The following NXPH2 variants were observed in gnomAD, a reference collection of about 807,000 sequenced individuals.
The protein encoded by NXPH2 is neurexophilin 2.
NXPH2 carries 5 observed loss-of-function variants against 19.8 expected under a neutral mutation model. The observed-to-expected ratio is 0.25, with a 90% CI of 0.13 to 0.53. The LOEUF is 0.53. Ranked by LOEUF, NXPH2 falls within the 20% of genes least tolerant of loss-of-function variation. The probability of loss-of-function intolerance (pLI) is 0.96; values close to 1 mark genes in which losing one functional copy is unlikely to be tolerated. For missense variants in NXPH2, 289 were observed against 322.8 expected, an observed-to-expected ratio of 0.90 and a Z score of 0.80; for synonymous variants, 154 against 127.4, an observed-to-expected ratio of 1.21 and a Z score of -1.41.
rs1350571894 is a variant in NXPH2 at position 138,671,434 on chromosome 2, C to T, written c.283G>A (p.Ala95Thr). ...ACTATTGGCCTCCGTTTAGTTCTTGCCAATGGCTCCTGAATCTCCGTGATG... is the reference window on the plus strand; with the variant it reads ...ACTATTGGCCTCCGTTTAGTTCTTGTCAATGGCTCCTGAATCTCCGTGATG... ...ANITEIQEPL[A>T]RTKRRPIVKT... The change falls in exon 2 of 2, where the codon GCA becomes ACA. Residue 95 changes from alanine (A) to threonine (T), a missense_variant. Transcript: ENST00000272641. 1 of 1,613,974 alleles carries T rather than the reference C, an allele frequency of 6.2e-7. No homozygotes were observed. The highest frequency in any genetic ancestry group is 1.7e-5 in the Admixed American group (1 of 60,022).
intron 1 of NXPH2, among the ~76,000 whole-genome samples, chr2:138,675,524 T>C (rs1680473527): frequency 6.6e-6 from 1 of 152,014 alleles, no homozygotes; most frequent in Admixed American, 6.6e-5. Context: ...ATAATAATAG[T>C]AATAATAATA....
At chr2:138,740,175 G>C (rs144685165) in intron 1 of NXPH2, among the ~76,000 whole-genome samples, 1 of 152,348 alleles carries the variant, frequency 6.6e-6, no homozygotes, top group Non-Finnish European at 1.5e-5. Context: ...TCCTGACTAT[G>C]ATGATGGAGT....
intron 1 of NXPH2, among the ~76,000 whole-genome samples, chr2:138,714,582 G>A (rs1191799489): frequency 1.3e-5 from 2 of 151,954 alleles, no homozygotes; most frequent in South Asian, 2.1e-4. Flanking sequence ...GACTGTGTTC[G>A]CTTCCCTACA....
At chr2:138,675,955 ATGTGTGTGTG>A (rs61124904) in intron 1 of NXPH2, among the ~76,000 whole-genome samples, 3 of 150,432 alleles carry the variant, frequency 2.0e-5, no homozygotes, top group Admixed American at 6.6e-5. Flanking sequence ...ATATATACAT[ATGTGTGTGTG>A]TGTGTGTGTG....
chr2:138,702,610 T>C (rs1200921194), intron 1 of NXPH2, among the ~76,000 whole-genome samples: 1 of 124,228 alleles, frequency 8.0e-6, no homozygotes, highest in Non-Finnish European at 1.6e-5. Context: ...ATAAGCTGCA[T>C]AAATTAACTT....
chr2:138,717,177 G>C (rs1450008404), intron 1 of NXPH2, among the ~76,000 whole-genome samples: 1 of 152,036 alleles, frequency 6.6e-6, no homozygotes, highest in African/African-American at 2.4e-5. Flanking sequence ...AAATATGCAG[G>C]ATATGTTATT....
At chr2:138,690,286 G>A (rs773668958) in intron 1 of NXPH2, among the ~76,000 whole-genome samples, 2 of 151,984 alleles carry the variant, frequency 1.3e-5, no homozygotes, top group Non-Finnish European at 2.9e-5. Flanking sequence ...GTGTACCTCT[G>A]TTCCTCCATT....
intron 1 of NXPH2, among the ~76,000 whole-genome samples, chr2:138,673,515 A>G (rs1268116747): frequency 1.3e-5 from 2 of 152,182 alleles, no homozygotes; most frequent in Non-Finnish European, 2.9e-5. Flanking sequence ...ATGTATTGGG[A>G]ACATTTCAAG....
At chr2:138,731,503 T>G (rs1681450409) in intron 1 of NXPH2, among the ~76,000 whole-genome samples, 1 of 152,142 alleles carries the variant, frequency 6.6e-6, no homozygotes. Context: ...CTCTCTGGGC[T>G]TTGACAATTT....
At chr2:138,681,565 C>T (rs1195197724) in intron 1 of NXPH2, among the ~76,000 whole-genome samples, 1 of 152,078 alleles carries the variant, frequency 6.6e-6, no homozygotes, top group Admixed American at 6.5e-5. Flanking sequence ...ATATGTAGTC[C>T]TCTACTTATC....
chr2:138,672,521 AT>A (rs1680430365), intron 1 of NXPH2, among the ~76,000 whole-genome samples: 1 of 152,142 alleles, frequency 6.6e-6, no homozygotes, highest in Non-Finnish European at 1.5e-5. Context: ...TTTACTAAAA[AT>A]AATTTAGTTA....
At chr2:138,680,603 C>CTA (rs1158033101) in intron 1 of NXPH2, among the ~76,000 whole-genome samples, 3 of 152,072 alleles carry the variant, frequency 2.0e-5, no homozygotes, top group African/African-American at 7.2e-5. Flanking sequence ...TGTTCTCTCT[C>CTA]TCTCTATATA....
intron 1 of NXPH2, among the ~76,000 whole-genome samples, chr2:138,678,059 C>T (rs562790630): frequency 1.3e-5 from 2 of 152,300 alleles, no homozygotes; most frequent in East Asian, 3.9e-4. Context: ...TGCAGGATCC[C>T]ACATTAAATT....
chr2:138,674,478 G>A (rs528052038), intron 1 of NXPH2, among the ~76,000 whole-genome samples: 1 of 152,052 alleles, frequency 6.6e-6, no homozygotes, highest in Non-Finnish European at 1.5e-5. Context: ...TACAGATGAG[G>A]TCTTGTTATG....
chr2:138,671,626 C>G lies in NXPH2; in HGVS notation c.91G>C (p.Gly31Arg). Reference sequence around the variant, plus strand: ...GCATCTTTGTCTTCCCAATCCAGCCCCTCCGTGGCATGCACCACTTCCTTA... The same window carrying G: ...GCATCTTTGTCTTCCCAATCCAGCCGCTCCGTGGCATGCACCACTTCCTTA... Reference protein sequence around the residue: ...DSKEVVHATEGLDWEDKDAPG... With the variant: ...DSKEVVHATERLDWEDKDAPG... The change falls in exon 2 of 2, where the codon GGG (glycine) becomes CGG (arginine). Residue 31 changes from glycine to arginine, a missense_variant. Coordinates refer to ENST00000272641, the MANE Select transcript of NXPH2 (RefSeq NM_007226.3). The G allele has an allele frequency of 6.3e-7, 1 of 1,595,856 alleles. No homozygotes were observed. Among genetic ancestry groups the G allele is most frequent in the Non-Finnish European group, 8.5e-7 (1 of 1,172,180 alleles).
chr2:138,753,100 GA>G (rs2104834641), intron 1 of NXPH2, among the ~76,000 whole-genome samples: 1 of 152,264 alleles, frequency 6.6e-6, no homozygotes, highest in East Asian at 1.9e-4. Context: ...TCCCCTCCTT[GA>G]GGGTGAAGTA....
chr2:138,705,708 T>C (rs1048476002), intron 1 of NXPH2, among the ~76,000 whole-genome samples: 1 of 152,244 alleles, frequency 6.6e-6, no homozygotes, highest in Non-Finnish European at 1.5e-5. Context: ...TTCTTGTTTC[T>C]ACTAAGCTGA....
Position 138,780,264 on chromosome 2 carries a change from C to T in NXPH2, c.-23G>A, listed in dbSNP as rs1235119103. On this transcript the variant is annotated 5_prime_UTR_variant, in exon 1 of 2. The change abolishes the stop of an existing upstream ORF in the 5' untranslated region. Coordinates refer to ENST00000272641, the MANE Select transcript of NXPH2 (RefSeq NM_007226.3). ...CATGGTGCCGGCTGGCGCGGCTTTTCACGAGCTGCGCGCCCTCGCCTGCCT... is the reference window on the plus strand; with the variant it reads ...CATGGTGCCGGCTGGCGCGGCTTTTTACGAGCTGCGCGCCCTCGCCTGCCT... 1 of 1,416,912 alleles carries T rather than the reference C, an allele frequency of 7.1e-7. No individual in the cohort carries two copies. The highest frequency in any genetic ancestry group is 9.1e-7 in the Non-Finnish European group (1 of 1,096,258). 87.8% of individuals were successfully genotyped at this position (1,416,912 alleles called of 1,614,324 possible).
At chr2:138,693,517 T>A (rs531076734) in intron 1 of NXPH2, among the ~76,000 whole-genome samples, 1 of 152,244 alleles carries the variant, frequency 6.6e-6, no homozygotes, top group South Asian at 2.1e-4. Flanking sequence ...TTCTGCAGTA[T>A]CCTCCATGAA....
Sources: allele counts gnomAD v4.1 joint callset (sites outside exome capture counted in the v4.1 genomes callset), GRCh38; gene constraint gnomAD v4.1.1; transcripts MANE v1.5; gene names NCBI Gene and HGNC (gene_info 2026-07-23, HGNC 2026-07-21).